UGGT1: variants seen among roughly 807,000 people sequenced by gnomAD.
UGGT1 encodes the protein UDP-glucose glycoprotein glucosyltransferase 1.
Under a neutral mutation model 203.9 loss-of-function variants are expected in UGGT1, and 107 were observed. That is an observed-to-expected ratio of 0.52 (90% confidence interval 0.45 to 0.62). The LOEUF (loss-of-function observed/expected upper bound fraction) is 0.62. Ranked by LOEUF, UGGT1 falls within the 20% of genes least tolerant of loss-of-function variation. UGGT1 has a pLI of 0.00. For missense variants in UGGT1, 1,673 were observed against 1,867.2 expected (o/e 0.90, Z 1.92); for synonymous variants, 628 against 653.5 (o/e 0.96, Z 0.59).
Position 128,133,229 on chromosome 2 carries a change from T to C in UGGT1, c.1466T>C (p.Ile489Thr), listed in dbSNP as rs567499166. The change falls in exon 14 of 41, where the codon ATT becomes ACT. Residue 489 changes from isoleucine (I) to threonine (T), a missense_variant. Physicochemically the swap from Ile to Thr is moderately conservative, Grantham distance 89. Transcript: ENST00000259253. The stretch of plus-strand genomic sequence containing the variant: ...CTTCGACCCACCTTTCCTGGTGTTA[T>C]TCGGCAGATCAGGAAAAACTTACAT... ...ELLRPTFPGV[I>T]RQIRKNLHNM... 5 of 1,614,008 alleles carry C rather than the reference T, an allele frequency of 3.1e-6. No individual in the cohort carries two copies. In the East Asian group the frequency reaches 6.7e-5, roughly 22 times the overall value.
intron 26 of UGGT1, among the ~76,000 whole-genome samples, chr2:128,165,621 C>T (rs914120081): frequency 6.6e-6 from 1 of 152,132 alleles, no homozygotes; most frequent in Non-Finnish European, 1.5e-5. Context: ...CGCTTGAACC[C>T]AGGAGGTAGA....
At chr2:128,182,674 G>C (rs1691756743) in intron 37 of UGGT1, among the ~76,000 whole-genome samples, 1 of 137,014 alleles carries the variant, frequency 7.3e-6, no homozygotes, top group Non-Finnish European at 1.5e-5. Context: ...ACTCCAGCCT[G>C]GATGACAGAG....
At chr2:128,124,299 C>T (rs1183303258) in intron 11 of UGGT1, among the ~76,000 whole-genome samples, 1 of 151,920 alleles carries the variant, frequency 6.6e-6, no homozygotes, top group Non-Finnish European at 1.5e-5. Flanking sequence ...GCAGGTTATA[C>T]AATTTTAGGT....
At chr2:128,124,921 CA>C (rs1688540290) in intron 11 of UGGT1, among the ~76,000 whole-genome samples, 1 of 152,150 alleles carries the variant, frequency 6.6e-6, no homozygotes, top group African/African-American at 2.4e-5. Flanking sequence ...GTCTGGTGAT[CA>C]CACTCAGAGT....
At chr2:128,166,893 G>A (rs566133259) in intron 26 of UGGT1, among the ~76,000 whole-genome samples, 4 of 152,272 alleles carry the variant, frequency 2.6e-5, no homozygotes, top group African/African-American at 9.6e-5. Context: ...TTGGACTTTG[G>A]TTTAGTGGGC....
At chr2:128,094,182 T>C (rs1199973733) in intron 1 of UGGT1, among the ~76,000 whole-genome samples, 1 of 152,006 alleles carries the variant, frequency 6.6e-6, no homozygotes, top group Non-Finnish European at 1.5e-5. Context: ...ACATAGCTAA[T>C]AGCGTAATAC....
At chr2:128,188,168 G>A (rs1362148583) in intron 40 of UGGT1, among the ~76,000 whole-genome samples, 1 of 151,556 alleles carries the variant, frequency 6.6e-6, no homozygotes, top group African/African-American at 2.4e-5. Context: ...TTACAGGCAT[G>A]CACCACCACA....
intron 26 of UGGT1, among the ~76,000 whole-genome samples, chr2:128,169,081 A>G (rs899117033): frequency 9.4e-5 from 12 of 127,838 alleles, no homozygotes; most frequent in African/African-American, 3.5e-4. Context: ...AAAAAAAAAA[A>G]AAAAAAAAAA....
intron 31 of UGGT1, among the ~76,000 whole-genome samples, chr2:128,176,184 A>C (rs1047381632): frequency 2.0e-5 from 3 of 152,000 alleles, no homozygotes; most frequent in African/African-American, 7.2e-5. Flanking sequence ...GAGGCCGAGG[A>C]GGGTGGATCA....
intron 2 of UGGT1, 133 bp downstream of exon 2, chr2:128,097,697 G>C: frequency 9.0e-7 from 1 of 1,113,110 alleles, no homozygotes; most frequent in South Asian, 1.6e-5. Flanking sequence ...AGTGTATACT[G>C]TAGGATGTAT....
chr2:128,124,001 A>G (rs771530055), intron 11 of UGGT1, among the ~76,000 whole-genome samples: 1 of 152,150 alleles, frequency 6.6e-6, no homozygotes, highest in Non-Finnish European at 1.5e-5. Context: ...GCTGGAGTGC[A>G]GTGGCGTGAT....
chr2:128,098,244 TG>T (rs769110434), intron 2 of UGGT1, among the ~76,000 whole-genome samples: 111 of 152,266 alleles, frequency 7.3e-4, no homozygotes, highest in Admixed American at 1.3e-3. Flanking sequence ...CTTAGCAACG[TG>T]GGGGAAAGAG....
intron 2 of UGGT1, among the ~76,000 whole-genome samples, chr2:128,099,421 G>C (rs1000329255): frequency 9.8e-5 from 15 of 152,322 alleles, no homozygotes; most frequent in African/African-American, 3.6e-4. Context: ...TGGAATTACA[G>C]GTGTGAGCCA....
At chr2:128,142,069 G>C (rs1222988967) in intron 16 of UGGT1, among the ~76,000 whole-genome samples, 3 of 151,744 alleles carry the variant, frequency 2.0e-5, no homozygotes, top group Non-Finnish European at 4.4e-5. Context: ...AGCCTCCTGA[G>C]TAGCTGGAAT....
intron 11 of UGGT1, among the ~76,000 whole-genome samples, chr2:128,124,814 G>T (rs879512834): frequency 6.6e-5 from 10 of 152,016 alleles, no homozygotes; most frequent in Admixed American, 4.6e-4. Flanking sequence ...TATCTCTGAA[G>T]ATAATGGTGC....
In UGGT1 at chr2:128,191,361, A is replaced by C. The variant is rs1040145286; in HGVS notation, c.*1619A>C. ...AGGACCTTTTGACTTTGCTTTTATA[A>C]TTCTGTTAAAAATTGAGGAGGGGAT... On this transcript the variant is annotated 3_prime_UTR_variant, in exon 41 of 41. Coordinates refer to ENST00000259253, the MANE Select transcript of UGGT1 (RefSeq NM_020120.4). The C allele has an allele frequency of 1.3e-5, 2 of 152,200 alleles. No homozygotes were observed. The highest frequency in any genetic ancestry group is 4.8e-5 in the African/African-American group (2 of 41,446). 9.4% of individuals were successfully genotyped at this position (152,200 alleles called of 1,614,324 possible).
At chr2:128,179,626 A>AT (rs1206224779) in intron 34 of UGGT1, among the ~76,000 whole-genome samples, 160 bp from the exon 35 acceptor site, 1 of 152,118 alleles carries the variant, frequency 6.6e-6, no homozygotes, top group East Asian at 1.9e-4. Flanking sequence ...AGTAAGTACA[A>AT]TTTTTCATTT....
chr2:128,186,633 C>G (rs752241076), intron 38 of UGGT1, 50 bp from the exon 39 acceptor site: 2 of 1,453,134 alleles, frequency 1.4e-6, no homozygotes, highest in African/African-American at 1.4e-5. Flanking sequence ...TAAATATCGC[C>G]AGAACTTTAG....
rs777652335 is a variant in UGGT1 at position 128,183,735 on chromosome 2, G to A, written c.4305G>A (p.Arg1435=). Residue 1435 remains arginine (R), a synonymous_variant, in exon 38 of 41, where the codon AGG becomes AGA. Transcript: ENST00000259253. ...AAATAGCTGCTGGTGACAGACTCAGGGGACAGTACCAAGGTCTGAGTCAGG... is the reference window on the plus strand; with the variant it reads ...AAATAGCTGCTGGTGACAGACTCAGAGGACAGTACCAAGGTCTGAGTCAGG... ...FRKIAAGDRL[R]GQYQGLSQDP... is the part of the protein sequence containing the mutation. The A allele has an allele frequency of 1.2e-6, 2 of 1,613,942 alleles. No homozygotes were observed. Among genetic ancestry groups the A allele is most frequent in the African/African-American group, 1.3e-5 (1 of 74,908 alleles).
Sources: gnomAD v4.1 joint callset for allele counts (sites outside exome capture counted in the v4.1 genomes callset) on GRCh38, gnomAD v4.1.1 for gene constraint, MANE v1.5 for transcripts, NCBI Gene and HGNC (gene_info 2026-07-23, HGNC 2026-07-21) for gene names.